GFM1: variants seen among roughly 807,000 people sequenced by gnomAD.
GFM1 encodes the protein elongation factor G, mitochondrial.
In GFM1, 62 loss-of-function variants were observed where a neutral mutation model predicts 96.2. That is an observed-to-expected ratio of 0.64 (90% CI 0.53 to 0.80). The LOEUF (loss-of-function observed/expected upper bound fraction) is 0.80. GFM1 is among the 30% of genes least tolerant of loss of function. The probability of loss-of-function intolerance (pLI) is 0.00; values close to 1 mark genes in which losing one functional copy is unlikely to be tolerated. For missense variants in GFM1, 852 were observed against 916.6 expected (o/e 0.93, Z 0.91); for synonymous variants, 282 against 312.9 (o/e 0.90, Z 1.04).
chr3:158,680,936 T>C (rs1028862972), intron 13 of GFM1, among the ~76,000 whole-genome samples: 4 of 152,180 alleles, frequency 2.6e-5, no homozygotes, highest in African/African-American at 4.8e-5. Context: ...CCATGGTTAG[T>C]TATTACCATA....
chr3:158,687,356 T>A (rs1028177479), intron 15 of GFM1, among the ~76,000 whole-genome samples: 7 of 152,032 alleles, frequency 4.6e-5, no homozygotes, highest in Non-Finnish European at 1.0e-4. Context: ...ACAAGCAGGA[T>A]GCTAGCATGA....
chr3:158,665,013 TC>T (rs1364412194), intron 11 of GFM1, among the ~76,000 whole-genome samples: 19 of 152,318 alleles, frequency 1.2e-4, no homozygotes, highest in South Asian at 8.3e-4. Flanking sequence ...TAACACAGAT[TC>T]CAATTTCTGC....
At chr3:158,666,664 C>T in intron 13 of GFM1, 1 of 1,613,784 alleles carries the variant, frequency 6.2e-7, no homozygotes. Context: ...GTTGTACTTC[C>T]TTTGGCAGAC....
chr3:158,664,817 C>T (rs1383280688), intron 11 of GFM1, among the ~76,000 whole-genome samples: 4 of 152,104 alleles, frequency 2.6e-5, no homozygotes, highest in South Asian at 2.1e-4. Flanking sequence ...GCTTACCACG[C>T]GGGATTACAT....
chr3:158,648,836 C>T (rs1321478065), intron 4 of GFM1, among the ~76,000 whole-genome samples: 2 of 152,036 alleles, frequency 1.3e-5, no homozygotes, highest in Non-Finnish European at 2.9e-5. Context: ...TTTTTGTTGC[C>T]TAAATGGGTT....
At chr3:158,671,812 G>A (rs971289693) in intron 13 of GFM1, among the ~76,000 whole-genome samples, 36 of 152,192 alleles carry the variant, frequency 2.4e-4, no homozygotes, top group African/African-American at 7.5e-4. Context: ...TGTGGTAGCG[G>A]TGTTTGGGTG....
rs543796500 is a variant in GFM1, at chr3:158,654,534, C to T, written c.999-13C>T. 7.0e-7 allele frequency: 1 copy of T among 1,434,186 alleles called. No homozygotes were observed. Among genetic ancestry groups the T allele is most frequent in the South Asian group, 1.1e-5 (1 of 86,990 alleles). The allele number at this position is 1,434,186 out of a possible 1,614,324, so 88.8% of individuals were successfully genotyped here. A position where few individuals can be genotyped will look rare whatever the true frequency, so the allele number is the denominator to read the frequency against. ...TATTACATCTCATAGATTTATATTT[C>T]TTTTATTTTAAGTGACTCAAAAGAG... is the stretch of plus-strand genomic sequence containing the variant. On this transcript the variant is annotated splice_polypyrimidine_tract_variant and intron_variant, in intron 7 of 17. Transcript: ENST00000486715.
intron 2 of GFM1, 181 bp from the exon 3 acceptor site, chr3:158,645,984 T>C (rs1679951477): frequency 1.2e-6 from 1 of 858,586 alleles, no homozygotes; most frequent in South Asian, 1.5e-5. Context: ...GGTCTCACTT[T>C]GTTGCTCAGG....
intron 13 of GFM1, chr3:158,669,645 GA>G: frequency 1.3e-6 from 2 of 1,559,108 alleles, no homozygotes; most frequent in Middle Eastern, 1.7e-4. Flanking sequence ...CTTATATACA[GA>G]AGGCTATTCA....
chr3:158,690,020 A>C (rs904066255), intron 15 of GFM1, 143 bp from the exon 16 acceptor site: 1 of 689,956 alleles, frequency 1.4e-6, no homozygotes, highest in African/African-American at 1.8e-5. Context: ...CTACAGGAAA[A>C]ATGAGTCTAG....
chr3:158,690,936 G>A (rs1288038743), intron 16 of GFM1, among the ~76,000 whole-genome samples: 8 of 152,222 alleles, frequency 5.3e-5, no homozygotes, highest in Admixed American at 1.3e-4. Flanking sequence ...TTCTGGTTGC[G>A]ACTGTCAAAT....
At chr3:158,658,060 T>C (rs1180607761) in intron 8 of GFM1, among the ~76,000 whole-genome samples, 1 of 152,162 alleles carries the variant, frequency 6.6e-6, no homozygotes, top group Non-Finnish European at 1.5e-5. Flanking sequence ...TTTCGATTGC[T>C]ATTTTGTTAA....
chr3:158,657,360 A>G (rs1438281326), intron 8 of GFM1: 3 of 152,266 alleles, frequency 2.0e-5, no homozygotes, highest in South Asian at 4.1e-4. Context: ...TTAATGGTTT[A>G]TATTGCCAGA....
rs1413778900 is a variant in GFM1, at chr3:158,654,643, T to C, written c.1083+12T>C. The C allele has an allele frequency of 2.0e-6, 3 of 1,532,856 alleles. No homozygotes were observed. The highest frequency in any genetic ancestry group is 1.8e-6 in the Non-Finnish European group (2 of 1,105,844). The allele number at this position is 1,532,856 out of a possible 1,614,324, so 95.0% of individuals were successfully genotyped here. ...CTTTTAAACTGGAGGTAAGTTGCTT[T>C]CTAATGTATTTAACTGCTATCTGTA... On this transcript the variant is annotated intron_variant, in intron 8 of 17. Coordinates refer to ENST00000486715, the MANE Select transcript of GFM1 (RefSeq NM_024996.7).
chr3:158,653,490 T>C (rs1391935879), intron 7 of GFM1, 23 bp downstream of exon 7: 2 of 1,566,938 alleles, frequency 1.3e-6, no homozygotes, highest in East Asian at 4.5e-5. Flanking sequence ...AATTGAATCT[T>C]AGTTTATGCA....
intron 13 of GFM1, chr3:158,672,493 G>A (rs1402498703): frequency 1.9e-6 from 3 of 1,613,592 alleles, no homozygotes; most frequent in Non-Finnish European, 1.7e-6. Context: ...GATGAGCAGT[G>A]ACTTCAGGGC....
At chr3:158,686,721 GTTT>G (rs67517331) in intron 15 of GFM1, among the ~76,000 whole-genome samples, 1 of 85,730 alleles carries the variant, frequency 1.2e-5, no homozygotes, top group East Asian at 3.4e-4. Flanking sequence ...TTGAATTGAG[GTTT>G]TTTTTTTTTT....
chr3:158,674,990 A>T (rs1444036968), intron 13 of GFM1, among the ~76,000 whole-genome samples: 1 of 152,194 alleles, frequency 6.6e-6, no homozygotes, highest in Non-Finnish European at 1.5e-5. Context: ...TATTATGTTT[A>T]TAAGGAGCAA....
At position 158,665,340 on chromosome 3, in the gene GFM1, G is replaced by T. The variant is rs200244667; in HGVS notation, c.1384G>T (p.Asp462Tyr). 3.7e-5 allele frequency: 60 copies of T among 1,607,638 alleles called. No individual in the cohort carries two copies. The highest frequency in any genetic ancestry group is 4.9e-5 in the Non-Finnish European group (58 of 1,174,750). ...SIAMKPSNKN[D>Y]LEKFSKGIGR... is the part of the protein sequence containing the mutation. ...TGACTTTCTTCTTCTTTTAAAGAAC[G>T]ATCTGGAAAAATTTTCAAAAGGTAT... Residue 462 changes from aspartate (D) to tyrosine (Y), a missense_variant, in exon 12 of 18, where the codon GAT (aspartate) becomes TAT (tyrosine). By Grantham distance (160) the Asp-to-Tyr change is radical (BLOSUM62 -3). Coordinates refer to ENST00000486715, the MANE Select transcript of GFM1 (RefSeq NM_024996.7).
Sources: allele counts gnomAD v4.1 joint callset (sites outside exome capture counted in the v4.1 genomes callset), GRCh38; gene constraint gnomAD v4.1.1; transcripts MANE v1.5; gene names NCBI Gene and HGNC (gene_info 2026-07-23, HGNC 2026-07-21).